Variants in SESTD1 observed in about 807,000 individuals in gnomAD.
SESTD1 encodes SEC14 domain and spectrin repeat-containing protein 1.
SESTD1 carries 43 observed loss-of-function variants against 101.7 expected under a neutral mutation model. That is an observed-to-expected ratio of 0.42 (90% CI 0.33 to 0.55). The LOEUF (loss-of-function observed/expected upper bound fraction) is 0.55. Ranked by LOEUF, SESTD1 falls within the 20% of genes least tolerant of loss-of-function variation. The pLI, the probability that SESTD1 is intolerant of heterozygous loss-of-function variation, is 0.07. For synonymous variants in SESTD1, 283 were observed against 286.8 expected (o/e 0.99, Z 0.13); for missense variants, 647 against 815.1 (o/e 0.79, Z 2.51).
intron 1 of SESTD1, among the ~76,000 whole-genome samples, chr2:179,228,642 T>C (rs1328195579): frequency 6.6e-6 from 1 of 152,170 alleles, no homozygotes; most frequent in Non-Finnish European, 1.5e-5. Flanking sequence ...AATTATCAAC[T>C]GAAATGAAGT....
intron 1 of SESTD1, among the ~76,000 whole-genome samples, chr2:179,238,716 T>C (rs1031726290): frequency 6.6e-6 from 1 of 152,136 alleles, no homozygotes; most frequent in African/African-American, 2.4e-5. Context: ...ATTGAGTATA[T>C]GGCCCTAAAA....
In SESTD1 at chr2:179,112,782, C is replaced by T. The variant is rs1177605679; in HGVS notation, c.1903G>A (p.Glu635Lys). The T allele has an allele frequency of 4.2e-5, 67 of 1,613,162 alleles. No individual in the cohort carries two copies. Among genetic ancestry groups the T allele is most frequent in the Non-Finnish European group, 5.3e-5 (63 of 1,179,990 alleles). The change falls in exon 17 of 18, where the codon GAA becomes AAA. Residue 635 changes from glutamate (E) to lysine (K), a missense_variant. By Grantham distance (56) the Glu-to-Lys change is moderately conservative. Transcript: ENST00000428443. ...INDEEQFDEI[E>K]AVGKSLLDRL... ...TCCAAAAGTGATTTCCCAACTGCTT[C>T]AATTTCATCAAATTGCTCCTCATCA...
rs1421928899 is a variant in SESTD1, at chr2:179,102,891, C to T, written c.*7008G>A. ...CTGTGAGGTAGAATTTTTCCCACCC[C>T]GTTTTCTGCTCTTCTGGCCACCATT... On this transcript the variant is annotated 3_prime_UTR_variant, in exon 18 of 18. Transcript: ENST00000428443. The T allele has an allele frequency of 1.3e-5, 2 of 152,068 alleles. No individual in the cohort carries two copies. The highest frequency in any genetic ancestry group is 2.9e-5 in the Non-Finnish European group (2 of 67,992). The allele number at this position is 152,068 out of a possible 1,614,324, so 9.4% of individuals were successfully genotyped here. A position where few individuals can be genotyped will look rare whatever the true frequency, so the allele number is the denominator to read the frequency against.
chr2:179,116,913 T>C, intron 14 of SESTD1, 123 bp from the exon 15 acceptor site: 1 of 1,289,828 alleles, frequency 7.8e-7, no homozygotes, highest in Middle Eastern at 1.9e-4. Context: ...ACCTAAAGTC[T>C]TAAAAGCTTA....
intron 1 of SESTD1, among the ~76,000 whole-genome samples, chr2:179,244,529 TGAAGCAAGACTATCAACCCA>T (rs2047203180): frequency 6.7e-6 from 1 of 150,044 alleles, no homozygotes; most frequent in African/African-American, 2.4e-5. Flanking sequence ...TTTCAAGTGA[TGAAGCAAGACTATCAACCCA>T]GAATCCTCTA....
chr2:179,196,609 C>G (rs1029518706), intron 1 of SESTD1, among the ~76,000 whole-genome samples: 13 of 152,244 alleles, frequency 8.5e-5, no homozygotes, highest in African/African-American at 3.1e-4. Context: ...AGCTAGAGAT[C>G]TGAGAATGGG....
At chr2:179,253,046 T>C (rs980087989) in intron 1 of SESTD1, among the ~76,000 whole-genome samples, 2 of 152,096 alleles carry the variant, frequency 1.3e-5, no homozygotes, top group Non-Finnish European at 2.9e-5. Flanking sequence ...ATAAAATACA[T>C]AGGTGGCTAG....
chr2:179,259,762 C>G (rs935955794), intron 1 of SESTD1, among the ~76,000 whole-genome samples: 1 of 152,148 alleles, frequency 6.6e-6, no homozygotes, highest in African/African-American at 2.4e-5. Context: ...TTTTGAACAT[C>G]TATTACATGC....
chr2:179,145,214 T>C (rs1232004772), intron 8 of SESTD1, among the ~76,000 whole-genome samples: 1 of 152,198 alleles, frequency 6.6e-6, no homozygotes, highest in Non-Finnish European at 1.5e-5. Flanking sequence ...ACTTTGACAA[T>C]TGTCACCCTT....
At position 179,105,501 on chromosome 2, in the gene SESTD1, A is replaced by G. The variant is rs1159542482; in HGVS notation, c.*4398T>C. ...TAATTCTGAAGATGCATTCTGATACACTAGTGAACTGGGGGTGACGGTGAA... is the reference window on the plus strand; with the variant it reads ...TAATTCTGAAGATGCATTCTGATACGCTAGTGAACTGGGGGTGACGGTGAA... On this transcript the variant is annotated 3_prime_UTR_variant, in exon 18 of 18. Transcript: ENST00000428443. 2 of 151,670 alleles carry G rather than the reference A, an allele frequency of 1.3e-5. No homozygotes were observed. Among genetic ancestry groups the G allele is most frequent in the Non-Finnish European group, 2.9e-5 (2 of 67,934 alleles). The allele number at this position is 151,670 out of a possible 1,614,324, so 9.4% of individuals were successfully genotyped here. A position where few individuals can be genotyped will look rare whatever the true frequency, so the allele number is the denominator to read the frequency against.
At chr2:179,195,618 G>A (rs1217495317) in intron 1 of SESTD1, among the ~76,000 whole-genome samples, 3 of 152,112 alleles carry the variant, frequency 2.0e-5, no homozygotes, top group African/African-American at 7.2e-5. Context: ...CTCTTAAGAG[G>A]GGATAACTTC....
intron 2 of SESTD1, among the ~76,000 whole-genome samples, chr2:179,185,811 C>CAATATAGTATATTATATATAATATAT (rs2046218290): frequency 8.0e-6 from 1 of 124,264 alleles, no homozygotes; most frequent in South Asian, 2.4e-4. Flanking sequence ...ATAGCATATA[C>CAATATAGTATATTATATATAATATAT]AATATAGTAT....
chr2:179,191,684 CA>C (rs2105496888), intron 2 of SESTD1, 102 bp downstream of exon 2: 2 of 961,960 alleles, frequency 2.1e-6, no homozygotes, highest in East Asian at 5.2e-5. Context: ...ACCTTTTAAA[CA>C]AAACTTTCAT....
At chr2:179,138,724 A>G (rs769205001) in intron 9 of SESTD1, among the ~76,000 whole-genome samples, 10 of 152,010 alleles carry the variant, frequency 6.6e-5, no homozygotes, top group Non-Finnish European at 1.2e-4. Flanking sequence ...CCAAAAAAAC[A>G]GCTGGGCATG....
At chr2:179,263,773 C>T (rs2047516193) in intron 1 of SESTD1, among the ~76,000 whole-genome samples, 1 of 152,198 alleles carries the variant, frequency 6.6e-6, no homozygotes, top group Non-Finnish European at 1.5e-5. Context: ...CGGCTCTTTT[C>T]TAATATGAGT....
chr2:179,257,696 A>G (rs374316772), intron 1 of SESTD1, among the ~76,000 whole-genome samples: 1 of 152,216 alleles, frequency 6.6e-6, no homozygotes, highest in East Asian at 1.9e-4. Flanking sequence ...TGGTGCCAAG[A>G]AAAAGGCTAA....
At chr2:179,121,956 C>T in intron 12 of SESTD1, 27 bp from the exon 13 acceptor site, 2 of 1,579,148 alleles carry the variant, frequency 1.3e-6, no homozygotes, top group Non-Finnish European at 1.7e-6. Context: ...TAGATTTAAT[C>T]TCTTACACAA....
At chr2:179,237,077 C>T (rs1040479521) in intron 1 of SESTD1, among the ~76,000 whole-genome samples, 31 of 145,198 alleles carry the variant, frequency 2.1e-4, no homozygotes, top group Non-Finnish European at 4.1e-4. Flanking sequence ...GAAAACATTG[C>T]AAATGTTGCA....
intron 1 of SESTD1, among the ~76,000 whole-genome samples, chr2:179,261,356 T>G: frequency 6.6e-6 from 1 of 152,148 alleles, no homozygotes; most frequent in Non-Finnish European, 1.5e-5. Context: ...CCTCATTGAG[T>G]GCAGGAAGTA....
Sources: gnomAD v4.1 joint callset for allele counts (sites outside exome capture counted in the v4.1 genomes callset) on GRCh38, gnomAD v4.1.1 for gene constraint, MANE v1.5 for transcripts, NCBI Gene and HGNC (gene_info 2026-07-23, HGNC 2026-07-21) for gene names.